PAK3: variants seen among roughly 807,000 people sequenced by gnomAD.
The protein encoded by PAK3 is p21 (RAC1) activated kinase 3.
Under a neutral mutation model 41.0 loss-of-function variants are expected in PAK3, and 4 were observed. That is an observed-to-expected ratio of 0.10 (90% CI 0.05 to 0.22). The LOEUF is 0.22. PAK3 is among the 10% of genes least tolerant of loss of function. The pLI, the probability that PAK3 is intolerant of heterozygous loss-of-function variation, is 1.00. For missense variants in PAK3, 205 were observed against 409.9 expected (o/e 0.50, Z 4.32); for synonymous variants, 146 against 139.6 (o/e 1.05, Z -0.32).
chrX:111,185,388 T>A (rs921104921), intron 11 of PAK3, among the ~76,000 whole-genome samples: 1 of 111,764 alleles, frequency 8.9e-6, no homozygotes, highest in Non-Finnish European at 1.9e-5. Flanking sequence ...GTGCAGAAGC[T>A]CTTTAGTTTA....
intron 16 of PAK3, among the ~76,000 whole-genome samples, chrX:111,208,249 A>G (rs886499018): frequency 1.8e-5 from 2 of 113,089 alleles, no homozygotes; most frequent in Non-Finnish European, 3.7e-5. Flanking sequence ...GGAGTCAAAA[A>G]GTTGAAAAAA....
At position 111,220,945 on chromosome X, in the gene PAK3, C is replaced by CAAAAAAAAAAAAAA; in HGVS notation, c.*502_*515dup. 8.1e-5 allele frequency: 4 copies of CAAAAAAAAAAAAAA among 49,406 alleles called. No individual in the cohort carries two copies. The highest frequency in any genetic ancestry group is 2.5e-4 in the Admixed American group (1 of 3,948). The allele number at this position is 49,406 out of a possible 1,213,427, so 4.1% of individuals were successfully genotyped here. A position where few individuals can be genotyped will look rare whatever the true frequency, so the allele number is the denominator to read the frequency against. On this transcript the variant is annotated 3_prime_UTR_variant, in exon 18 of 18. Transcript: ENST00000372007. ...AAAAAAGAAAGCAAAAAAAGCAAGG[C>CAAAAAAAAAAAAAA]AAAAAAAAAAAAAAAAACAAACAAA...
intron 1 of PAK3, among the ~76,000 whole-genome samples, chrX:111,003,574 G>T (rs2091881613): frequency 9.0e-6 from 1 of 111,675 alleles, no homozygotes; most frequent in Non-Finnish European, 1.9e-5. Context: ...GGAGGTGGGA[G>T]GGAGAAGGGA....
intron 1 of PAK3, among the ~76,000 whole-genome samples, chrX:111,026,668 A>G (rs1319068144): frequency 1.8e-5 from 2 of 112,073 alleles, no homozygotes; most frequent in African/African-American, 6.5e-5. Flanking sequence ...GGCAACACAA[A>G]CAAATGGAAA....
Position 111,118,263 on chromosome X carries a change from C to G in PAK3, c.-27-4814C>G, listed in dbSNP as rs189049620. Among the ~76,000 whole-genome samples the G allele has an allele frequency of 2.5e-3, 274 of 111,109 alleles. 3 individuals carry two copies. Among genetic ancestry groups the G allele is most frequent in the Middle Eastern group, 9.3e-3 (2 of 214 alleles). ...GTTGGTTCTTTTGTAAATAACGCAT[C>G]TAAGATAAAGTGGATTTAGTATCAG... On this transcript the variant is annotated intron_variant, in intron 4 of 17. Coordinates refer to ENST00000372007, the MANE Select transcript of PAK3 (RefSeq NM_002578.5).
intron 16 of PAK3, among the ~76,000 whole-genome samples, chrX:111,209,749 T>C (rs768853991): frequency 8.9e-6 from 1 of 112,432 alleles, no homozygotes; most frequent in Non-Finnish European, 1.9e-5. Context: ...TTATAAACTG[T>C]TGTAATGAAC....
At chrX:111,061,241 G>C (rs2092653072) in intron 1 of PAK3, among the ~76,000 whole-genome samples, 1 of 111,787 alleles carries the variant, frequency 8.9e-6, no homozygotes, top group African/African-American at 3.2e-5. Flanking sequence ...CTATTGTCCA[G>C]ATAAAATGTA....
chrX:111,196,425 T>C lies in PAK3; in HGVS notation c.1211-19T>C. ...GAAAATAATTTGGGCTTATTTTAAC[T>C]GGCTTTTCTTCTCTGCAGCTGACTT... On this transcript the variant is annotated intron_variant, in intron 15 of 17. Coordinates refer to ENST00000372007, the MANE Select transcript of PAK3 (RefSeq NM_002578.5). The C allele has an allele frequency of 8.4e-7, 1 of 1,189,066 alleles. No homozygotes were observed.
chrX:111,151,575 A>G (rs1165859175), intron 7 of PAK3, among the ~76,000 whole-genome samples: 1 of 111,988 alleles, frequency 8.9e-6, no homozygotes, highest in African/African-American at 3.2e-5. Flanking sequence ...GTAGTTCTCC[A>G]CTTATCCATG....
chrX:110,956,414 GACC>G (rs1263255620), intron 1 of PAK3, among the ~76,000 whole-genome samples: 1 of 111,171 alleles, frequency 9.0e-6, no homozygotes, highest in African/African-American at 3.3e-5. Context: ...TCTATATCTG[GACC>G]ACCTATGGGC....
intron 11 of PAK3, among the ~76,000 whole-genome samples, chrX:111,188,367 G>A (rs765718102): frequency 1.0e-4 from 11 of 110,333 alleles, no homozygotes; most frequent in Non-Finnish European, 2.1e-4. Context: ...GGGCACCTGG[G>A]CAGGTATTTT....
intron 10 of PAK3, among the ~76,000 whole-genome samples, chrX:111,167,007 T>C (rs1038571861): frequency 1.8e-5 from 2 of 110,139 alleles, no homozygotes; most frequent in Non-Finnish European, 3.8e-5. Context: ...GAGATAATAA[T>C]TGTACCCATA....
At chrX:111,113,803 G>A (rs191764177) in intron 4 of PAK3, among the ~76,000 whole-genome samples, 1 of 110,183 alleles carries the variant, frequency 9.1e-6, no homozygotes, top group East Asian at 2.9e-4. Context: ...AGGCTCCAGT[G>A]TGTGATGTTC....
chrX:110,970,954 T>G, intron 1 of PAK3, among the ~76,000 whole-genome samples: 1 of 112,051 alleles, frequency 8.9e-6, no homozygotes, highest in East Asian at 2.8e-4. Context: ...TTTCTTGTCT[T>G]ATTGCACTGG....
At chrX:111,110,409 G>T (rs755515352) in intron 4 of PAK3, among the ~76,000 whole-genome samples, 2 of 111,880 alleles carry the variant, frequency 1.8e-5, no homozygotes, top group East Asian at 5.6e-4. Flanking sequence ...GCCTTTGGGG[G>T]CTACAGTTAG....
At chrX:111,089,985 G>A (rs913818329) in intron 1 of PAK3, among the ~76,000 whole-genome samples, 1 of 110,631 alleles carries the variant, frequency 9.0e-6, no homozygotes, top group East Asian at 2.9e-4. Context: ...AACTGAATAA[G>A]TCTGTCCTAG....
Position 111,223,244 on chromosome X carries a change from T to G in PAK3, c.*2797T>G, listed in dbSNP as rs889179382. Reference sequence around the variant, plus strand: ...TTTCAATGTTGATTCCAAAATGTCCTGAGTTAGGAATAGGGCAGTGGGAAA... The same window carrying G: ...TTTCAATGTTGATTCCAAAATGTCCGGAGTTAGGAATAGGGCAGTGGGAAA... On this transcript the variant is annotated 3_prime_UTR_variant, in exon 18 of 18. Coordinates refer to ENST00000372007, the MANE Select transcript of PAK3 (RefSeq NM_002578.5). The G allele has an allele frequency of 1.8e-5, 2 of 110,762 alleles. No individual in the cohort carries two copies. Among genetic ancestry groups the G allele is most frequent in the African/African-American group, 6.6e-5 (2 of 30,419 alleles). The allele number at this position is 110,762 out of a possible 1,213,427, so 9.1% of individuals were successfully genotyped here.
intron 1 of PAK3, among the ~76,000 whole-genome samples, chrX:111,055,166 C>A (rs760210026): frequency 1.8e-5 from 2 of 112,041 alleles, no homozygotes; most frequent in Non-Finnish European, 3.8e-5. Flanking sequence ...TCTGAATAGG[C>A]AGCACCTCAG....
At chrX:111,079,372 T>G (rs979646901) in intron 1 of PAK3, among the ~76,000 whole-genome samples, 6 of 111,682 alleles carry the variant, frequency 5.4e-5, no homozygotes, top group Non-Finnish European at 9.4e-5. Flanking sequence ...CTAGGGCCCT[T>G]AAGAATTATG....
Sources: gnomAD v4.1 joint callset for allele counts (sites outside exome capture counted in the v4.1 genomes callset) on GRCh38, gnomAD v4.1.1 for gene constraint, MANE v1.5 for transcripts, NCBI Gene and HGNC (gene_info 2026-07-23, HGNC 2026-07-21) for gene names.